Variants in PDSS2 observed in about 807,000 individuals in gnomAD.
PDSS2 encodes the protein decaprenyl diphosphate synthase subunit 2.
In PDSS2, 31 loss-of-function variants were observed where a neutral mutation model predicts 44.5. That is an observed-to-expected ratio of 0.70 (90% CI 0.52 to 0.94). The LOEUF is 0.94. PDSS2 is among the 40% of genes least tolerant of loss of function. PDSS2 has a pLI of 0.00. For missense variants in PDSS2, 452 were observed against 482.2 expected, an observed-to-expected ratio of 0.94 and a Z score of 0.59; for synonymous variants, 157 against 180.3, an observed-to-expected ratio of 0.87 and a Z score of 1.03.
chr6:107,442,481 T>G (rs998039845), intron 1 of PDSS2, among the ~76,000 whole-genome samples: 2 of 152,134 alleles, frequency 1.3e-5, no homozygotes, highest in African/African-American at 4.8e-5. Context: ...AACTAAACAA[T>G]GCTGAGATAA....
intron 1 of PDSS2, among the ~76,000 whole-genome samples, chr6:107,394,432 AGGAGCAGGGGAGGGAGGAGG>A (rs904237271): frequency 6.6e-6 from 1 of 152,194 alleles, no homozygotes; most frequent in African/African-American, 2.4e-5. Flanking sequence ...TGGCAAAAGC[AGGAGCAGGGGAGGGAGGAGG>A]TGCCACACAA....
At chr6:107,160,958 G>T (rs1771104074) in intron 7 of PDSS2, among the ~76,000 whole-genome samples, 1 of 151,252 alleles carries the variant, frequency 6.6e-6, no homozygotes, top group Admixed American at 6.6e-5. Flanking sequence ...GGCTGGTCTC[G>T]AACTCCTGAC....
chr6:107,457,391 T>G (rs2114890322), intron 1 of PDSS2, among the ~76,000 whole-genome samples: 1 of 152,348 alleles, frequency 6.6e-6, no homozygotes, highest in Admixed American at 6.5e-5. Context: ...CTAAAACTAC[T>G]TCAAAATAGA....
chr6:107,279,839 C>T (rs771492450), intron 2 of PDSS2, among the ~76,000 whole-genome samples: 20 of 152,136 alleles, frequency 1.3e-4, no homozygotes, highest in Non-Finnish European at 2.1e-4. Context: ...ATAAGTAACT[C>T]TGGATCATAT....
chr6:107,183,137 G>C (rs116741432), intron 7 of PDSS2, among the ~76,000 whole-genome samples: 2 of 151,436 alleles, frequency 1.3e-5, no homozygotes, highest in East Asian at 3.9e-4. Flanking sequence ...ACTTGAGCCC[G>C]GGAGGTCAAT....
At chr6:107,435,980 T>C (rs1781339030) in intron 1 of PDSS2, among the ~76,000 whole-genome samples, 1 of 152,212 alleles carries the variant, frequency 6.6e-6, no homozygotes, top group South Asian at 2.1e-4. Flanking sequence ...CAAGAGCCTT[T>C]GGTGAGTCAC....
At chr6:107,211,515 A>AG (rs1773207283) in intron 5 of PDSS2, among the ~76,000 whole-genome samples, 1 of 151,828 alleles carries the variant, frequency 6.6e-6, no homozygotes. Flanking sequence ...GCAGATCACG[A>AG]GGTCAGGAAT....
chr6:107,213,425 C>G (rs910302914), intron 4 of PDSS2, among the ~76,000 whole-genome samples: 1 of 151,050 alleles, frequency 6.6e-6, no homozygotes, highest in Non-Finnish European at 1.5e-5. Flanking sequence ...GCTGGAATTA[C>G]AGGCATGAGT....
chr6:107,335,302 A>G (rs1777850629), intron 1 of PDSS2, among the ~76,000 whole-genome samples: 1 of 152,150 alleles, frequency 6.6e-6, no homozygotes, highest in Admixed American at 6.5e-5. Context: ...AAGAACCCAT[A>G]GTTTTAAACC....
At chr6:107,286,705 A>G (rs1776161874) in intron 2 of PDSS2, among the ~76,000 whole-genome samples, 1 of 152,140 alleles carries the variant, frequency 6.6e-6, no homozygotes, top group Non-Finnish European at 1.5e-5. Flanking sequence ...GAAGAAATAC[A>G]AGTGGCCAAA....
chr6:107,250,835 T>C (rs745440851), intron 3 of PDSS2, among the ~76,000 whole-genome samples: 1 of 152,144 alleles, frequency 6.6e-6, no homozygotes, highest in Non-Finnish European at 1.5e-5. Context: ...AAGGAGTGCC[T>C]ATCCTAAATT....
intron 1 of PDSS2, among the ~76,000 whole-genome samples, chr6:107,441,826 C>T (rs2114807704): frequency 6.6e-6 from 1 of 152,262 alleles, no homozygotes; most frequent in South Asian, 2.1e-4. Context: ...CAGTAGCTTA[C>T]TCCCCAGCTG....
intron 1 of PDSS2, among the ~76,000 whole-genome samples, chr6:107,441,990 C>G (rs143909847): frequency 0.01 from 1,566 of 152,274 alleles, 10 homozygotes; most frequent in Non-Finnish European, 0.016. Flanking sequence ...GCAGCCTGAG[C>G]CAAAACTTCC....
chr6:107,388,344 T>C (rs1354671268), intron 1 of PDSS2, among the ~76,000 whole-genome samples: 18 of 152,368 alleles, frequency 1.2e-4, no homozygotes, highest in African/African-American at 4.3e-4. Context: ...TGGCAGTTTC[T>C]TATAAAATTA....
chr6:107,165,670 A>T (rs1250889922), intron 7 of PDSS2, among the ~76,000 whole-genome samples: 3 of 151,902 alleles, frequency 2.0e-5, no homozygotes, highest in Non-Finnish European at 2.9e-5. Flanking sequence ...TTCCATATGA[A>T]CTTTAAAGTA....
rs1777805146 is a variant in PDSS2, at chr6:107,334,277, G to A, written c.352C>T (p.Leu118Phe). ...SLQLRGLVVLLISKAAGPSSV... is the reference protein window; with the variant it reads ...SLQLRGLVVLFISKAAGPSSV... ...CTGGGCCCAGCTGCTTTAGAGATAA[G>A]GAGCACCACCAAGCCCCTCAACTGG... Residue 118 changes from leucine to phenylalanine, a missense_variant, in exon 2 of 8, where the codon CTT becomes TTT. By Grantham distance (22) the Leu-to-Phe change is conservative. Coordinates refer to ENST00000369037, the MANE Select transcript of PDSS2 (RefSeq NM_020381.4). The A allele has an allele frequency of 6.2e-7, 1 of 1,613,470 alleles. No individual in the cohort carries two copies. Among genetic ancestry groups the A allele is most frequent in the Non-Finnish European group, 8.5e-7 (1 of 1,179,590 alleles).
intron 3 of PDSS2, among the ~76,000 whole-genome samples, chr6:107,268,659 G>C (rs1046104661): frequency 4.6e-5 from 7 of 152,070 alleles, no homozygotes; most frequent in African/African-American, 1.4e-4. Flanking sequence ...GCATTTTTCT[G>C]AAGAATGTGT....
chr6:107,224,066 T>TA (rs1554255968), intron 4 of PDSS2, among the ~76,000 whole-genome samples: 1 of 151,294 alleles, frequency 6.6e-6, no homozygotes, highest in Non-Finnish European at 1.5e-5. Context: ...TGCCTGATGA[T>TA]ACGAAGTGGA....
At chr6:107,367,050 A>C (rs553589673) in intron 1 of PDSS2, among the ~76,000 whole-genome samples, 3 of 152,244 alleles carry the variant, frequency 2.0e-5, no homozygotes, top group South Asian at 4.1e-4. Flanking sequence ...ACAGATTAAT[A>C]TCTCTCATGA....
Sources: gnomAD v4.1 joint callset for allele counts (sites outside exome capture counted in the v4.1 genomes callset) on GRCh38, gnomAD v4.1.1 for gene constraint, MANE v1.5 for transcripts, NCBI Gene and HGNC (gene_info 2026-07-23, HGNC 2026-07-21) for gene names.